The following PDE10A variants were observed in gnomAD, a reference collection of about 807,000 sequenced individuals.
PDE10A encodes phosphodiesterase 10A.
Under a neutral mutation model 97.7 loss-of-function variants are expected in PDE10A, and 39 were observed. That is an observed-to-expected ratio of 0.40 (90% confidence interval 0.31 to 0.52). The LOEUF (loss-of-function observed/expected upper bound fraction) is 0.52. Among genes scored for constraint, PDE10A ranks in the 20% least tolerant of loss-of-function variants. The pLI, the probability that PDE10A is intolerant of heterozygous loss-of-function variation, is 0.56. For synonymous variants in PDE10A, 371 were observed against 376.8 expected, an observed-to-expected ratio of 0.98 and a Z score of 0.18; for missense variants, 731 against 1,047.8, an observed-to-expected ratio of 0.70 and a Z score of 4.17.
intron 10 of PDE10A, among the ~76,000 whole-genome samples, chr6:165,421,313 T>G (rs1788678087): frequency 1.3e-5 from 2 of 152,090 alleles, no homozygotes; most frequent in South Asian, 4.1e-4. Context: ...CATGGCAGCA[T>G]GCATCTGAAG....
intron 10 of PDE10A, among the ~76,000 whole-genome samples, chr6:165,421,418 G>T (rs1788684360): frequency 6.6e-6 from 1 of 152,018 alleles, no homozygotes; most frequent in South Asian, 2.1e-4. Flanking sequence ...ATTCCAGCCT[G>T]GGCGACAGAG....
intron 1 of PDE10A, among the ~76,000 whole-genome samples, chr6:165,964,515 G>T (rs1174271526): frequency 1.3e-5 from 2 of 152,140 alleles, no homozygotes; most frequent in Non-Finnish European, 2.9e-5. Flanking sequence ...TTTAAAAAGT[G>T]CCCAGCCAAT....
chr6:165,327,432 A>T lies in PDE10A; in HGVS notation c.*5593T>A, dbSNP rs1781106822. On this transcript the variant is annotated 3_prime_UTR_variant, in exon 22 of 22. Coordinates refer to ENST00000539869, the MANE Select transcript of PDE10A (RefSeq NM_001385079.1). ...TCAACAAAAGAATTCTTGCTGCTTT[A>T]ACCATGTAAGTAAAACAAAGATTTT... The T allele has an allele frequency of 6.6e-6, 1 of 152,246 alleles. No individual in the cohort carries two copies. The highest frequency in any genetic ancestry group is 6.5e-5 in the Admixed American group (1 of 15,292). 9.4% of individuals were successfully genotyped at this position (152,246 alleles called of 1,614,324 possible).
At chr6:165,699,281 A>G (rs975430882) in intron 1 of PDE10A, among the ~76,000 whole-genome samples, 2 of 152,230 alleles carry the variant, frequency 1.3e-5, no homozygotes, top group Non-Finnish European at 2.9e-5. Context: ...TGGTTAATCC[A>G]ACAGAAATAT....
intron 1 of PDE10A, chr6:165,894,313 A>C (rs940930334): frequency 2.2e-5 from 10 of 455,942 alleles, no homozygotes; most frequent in Non-Finnish European, 4.4e-5. Context: ...GCAGATGACA[A>C]ATTTATGAGA....
intron 1 of PDE10A, among the ~76,000 whole-genome samples, chr6:165,656,980 C>T (rs1790000853): frequency 6.6e-6 from 1 of 152,224 alleles, no homozygotes; most frequent in Non-Finnish European, 1.5e-5. Flanking sequence ...GAGTGCTCAT[C>T]GATTTCTAGG....
At chr6:165,813,972 A>G (rs117115737) in intron 1 of PDE10A, among the ~76,000 whole-genome samples, 40 of 152,266 alleles carry the variant, frequency 2.6e-4, no homozygotes, top group South Asian at 1.2e-3. Context: ...AGTTAACCAA[A>G]CTGATAGGTT....
chr6:165,450,445 AAT>A (rs1791207776), intron 3 of PDE10A, 83 bp from the exon 4 acceptor site: 4 of 597,108 alleles, frequency 6.7e-6, no homozygotes, highest in Middle Eastern at 3.0e-4. Context: ...ACATACTATT[AAT>A]ATATGTGACT....
rs1295421741 is a variant in PDE10A, at chr6:165,653,730, T to C, written c.865+8217A>G. 2.6e-5 allele frequency among the ~76,000 whole-genome samples: 4 copies of C among 152,154 alleles called. No homozygotes were observed. In the South Asian group the frequency reaches 6.2e-4, roughly 24 times the overall value. On this transcript the variant is annotated intron_variant, in intron 1 of 21. Coordinates refer to ENST00000539869, the MANE Select transcript of PDE10A (RefSeq NM_001385079.1). ...CAGCTCTGATGCAGATAGAAACCAA[T>C]GAGCAGGAAACATGCACTAAATATC...
At chr6:165,492,841 G>A (rs1780305932) in intron 2 of PDE10A, among the ~76,000 whole-genome samples, 2 of 152,070 alleles carry the variant, frequency 1.3e-5, no homozygotes, top group Admixed American at 1.3e-4. Flanking sequence ...CCTAGCCACA[G>A]CAATCAAACA....
At chr6:165,830,429 C>T (rs1342708507) in intron 1 of PDE10A, among the ~76,000 whole-genome samples, 1 of 152,008 alleles carries the variant, frequency 6.6e-6, no homozygotes, top group African/African-American at 2.4e-5. Flanking sequence ...CTTGCTGGTC[C>T]CTTCCGAAAT....
At chr6:165,555,534 T>C (rs577117286) in intron 1 of PDE10A, among the ~76,000 whole-genome samples, 1 of 152,282 alleles carries the variant, frequency 6.6e-6, no homozygotes, top group South Asian at 2.1e-4. Context: ...GAAATTAAGA[T>C]TGTAAGAGAA....
chr6:165,437,758 C>T (rs1376008519), intron 5 of PDE10A, among the ~76,000 whole-genome samples: 4 of 152,320 alleles, frequency 2.6e-5, no homozygotes, highest in African/African-American at 9.6e-5. Context: ...TCACAACACA[C>T]ACTTGTTTGT....
At chr6:165,690,198 T>C (rs570292729) in intron 1 of PDE10A, among the ~76,000 whole-genome samples, 11 of 152,256 alleles carry the variant, frequency 7.2e-5, no homozygotes, top group Admixed American at 2.6e-4. Flanking sequence ...CAGCATGAAA[T>C]AGTTTCAGCC....
chr6:165,828,884 G>T (rs980455574), intron 1 of PDE10A, among the ~76,000 whole-genome samples: 3 of 152,148 alleles, frequency 2.0e-5, no homozygotes, highest in Non-Finnish European at 2.9e-5. Flanking sequence ...AGCTTTCAGT[G>T]TGCAAGAAGA....
intron 2 of PDE10A, among the ~76,000 whole-genome samples, chr6:165,519,401 C>T (rs990156352): frequency 1.3e-5 from 2 of 151,764 alleles, no homozygotes; most frequent in African/African-American, 4.8e-5. Flanking sequence ...CGAACAAATA[C>T]CAAAATGTCT....
At chr6:165,692,858 C>G (rs1275282574) in intron 1 of PDE10A, among the ~76,000 whole-genome samples, 2 of 152,122 alleles carry the variant, frequency 1.3e-5, no homozygotes, top group Non-Finnish European at 2.9e-5. Flanking sequence ...CTAATACAAA[C>G]AGGAGAAGCG....
At chr6:165,400,131 TATAAACAA>T (rs1340343367) in intron 13 of PDE10A, among the ~76,000 whole-genome samples, 1 of 151,996 alleles carries the variant, frequency 6.6e-6, no homozygotes, top group Non-Finnish European at 1.5e-5. Context: ...AAGAGCAATA[TATAAACAA>T]ATAAATAAAA....
At chr6:165,535,588 G>GGT (rs200428641) in intron 2 of PDE10A, among the ~76,000 whole-genome samples, 2,425 of 151,256 alleles carry the variant, frequency 0.016, 24 homozygotes, top group Non-Finnish European at 0.024. Flanking sequence ...TATTCTATGG[G>GGT]GTGTGTGTGT....
Sources: allele counts gnomAD v4.1 joint callset (sites outside exome capture counted in the v4.1 genomes callset), GRCh38; gene constraint gnomAD v4.1.1; transcripts MANE v1.5; gene names NCBI Gene and HGNC (gene_info 2026-07-23, HGNC 2026-07-21).